The following RNF24 variants were observed in gnomAD, a reference collection of about 807,000 sequenced individuals.
The protein encoded by RNF24 is ring finger protein 24.
In RNF24, 14 loss-of-function variants were observed where a neutral mutation model predicts 20.0. The observed-to-expected ratio is 0.70, with a 90% CI of 0.46 to 1.10. The LOEUF is 1.10. Among genes scored for constraint, RNF24 ranks in the 50% least tolerant of loss-of-function variants. The pLI, the probability that RNF24 is intolerant of heterozygous loss-of-function variation, is 0.00. For synonymous variants in RNF24, 45 were observed against 61.1 expected (o/e 0.74, Z 1.23); for missense variants, 124 against 177.6 (o/e 0.70, Z 1.71).
At chr20:4,013,106 T>C (rs1456494451) in intron 1 of RNF24, among the ~76,000 whole-genome samples, 1 of 152,192 alleles carries the variant, frequency 6.6e-6, no homozygotes, top group Admixed American at 6.5e-5. Flanking sequence ...ATTTAAATCA[T>C]GCATTAAAAC....
intron 1 of RNF24, among the ~76,000 whole-genome samples, chr20:3,969,729 T>G (rs1196952334): frequency 5.3e-5 from 8 of 151,734 alleles, no homozygotes; most frequent in Non-Finnish European, 1.0e-4. Flanking sequence ...CCAGCCATCT[T>G]GCTGGGATAG....
intron 1 of RNF24, among the ~76,000 whole-genome samples, chr20:3,985,699 ATTTT>A (rs76466197): frequency 7.6e-6 from 1 of 131,232 alleles, no homozygotes. Context: ...ATTCCTAGTA[ATTTT>A]TTTTTTTTTT....
chr20:3,956,170 A>C (rs2091140121), intron 2 of RNF24, among the ~76,000 whole-genome samples: 1 of 151,618 alleles, frequency 6.6e-6, no homozygotes, highest in African/African-American at 2.4e-5. Context: ...AATGCTGAAC[A>C]GTAGTGGTAA....
intron 1 of RNF24, among the ~76,000 whole-genome samples, chr20:3,973,500 C>CAAAAAAAAAAAAAAAAAAAAAAAAAA (rs56824542): frequency 4.0e-5 from 4 of 101,106 alleles, no homozygotes; most frequent in Admixed American, 1.2e-4. Context: ...GGAAGAATGA[C>CAAAAAAAAAAAAAAAAAAAAAAAAAA]AAAAAAAAAA....
intron 2 of RNF24, among the ~76,000 whole-genome samples, chr20:3,962,460 C>A (rs1353161604): frequency 6.6e-6 from 1 of 152,016 alleles, no homozygotes; most frequent in African/African-American, 2.4e-5. Flanking sequence ...AATGCTGCAG[C>A]AAGTATTTAC....
chr20:3,929,710 T>C lies in RNF24; in HGVS notation c.*4353A>G. ...CTGGGAGAGGCCTGTGCCACTGCTG[T>C]CAGCTACAGAGCCTGATCTTGAGCA... On this transcript the variant is annotated 3_prime_UTR_variant, in exon 6 of 6. Transcript: ENST00000358395. The C allele has an allele frequency of 6.6e-6, 1 of 152,242 alleles. No individual in the cohort carries two copies. The highest frequency in any genetic ancestry group is 1.9e-4 in the East Asian group (1 of 5,196). 9.4% of individuals were successfully genotyped at this position (152,242 alleles called of 1,614,324 possible).
At chr20:3,937,479 C>T (rs241615) in intron 4 of RNF24, among the ~76,000 whole-genome samples, 50,909 of 151,968 alleles carry the variant, frequency 0.33, 9,601 homozygotes, top group African/African-American at 0.52. Context: ...CTTTAAGTAA[C>T]AGTACAATTC....
Position 3,928,122 on chromosome 20 carries a change from A to G in RNF24, c.*5941T>C, listed in dbSNP as rs376363650. The G allele has an allele frequency of 6.6e-6, 1 of 152,236 alleles. No homozygotes were observed. Among genetic ancestry groups the G allele is most frequent in the East Asian group, 1.9e-4 (1 of 5,196 alleles). The allele number at this position is 152,236 out of a possible 1,614,324, so 9.4% of individuals were successfully genotyped here. ...CCAGTTATCAACTGGATATTTAGGC[A>G]TGAATCTGGACATGTCCATCTGCTT... On this transcript the variant is annotated 3_prime_UTR_variant, in exon 6 of 6. Coordinates refer to ENST00000358395, the MANE Select transcript of RNF24 (RefSeq NM_001134337.3).
chr20:3,977,697 C>G (rs1186532740), intron 1 of RNF24, among the ~76,000 whole-genome samples: 4 of 151,862 alleles, frequency 2.6e-5, no homozygotes, highest in Non-Finnish European at 5.9e-5. Context: ...AACCCCGTGT[C>G]TACTAAAAAT....
At chr20:3,998,244 A>G (rs894990676) in intron 1 of RNF24, among the ~76,000 whole-genome samples, 7 of 151,642 alleles carry the variant, frequency 4.6e-5, no homozygotes, top group African/African-American at 1.7e-4. Flanking sequence ...TTCGAGAGCA[A>G]CCTGACCAAC....
At chr20:3,943,265 T>C (rs373869003) in intron 4 of RNF24, among the ~76,000 whole-genome samples, 7 of 151,330 alleles carry the variant, frequency 4.6e-5, no homozygotes, top group African/African-American at 1.5e-4. Context: ...AACACATTTA[T>C]AGAGTTAATG....
At chr20:3,998,855 G>A (rs1485444778) in intron 1 of RNF24, among the ~76,000 whole-genome samples, 1 of 151,532 alleles carries the variant, frequency 6.6e-6, no homozygotes, top group Non-Finnish European at 1.5e-5. Flanking sequence ...CAAGGCGGGT[G>A]GATCATCTGA....
At chr20:3,938,716 A>G (rs1037632055) in intron 4 of RNF24, among the ~76,000 whole-genome samples, 1 of 152,178 alleles carries the variant, frequency 6.6e-6, no homozygotes, top group African/African-American at 2.4e-5. Flanking sequence ...TTCACTTTCA[A>G]GATAATGTCC....
intron 1 of RNF24, among the ~76,000 whole-genome samples, chr20:3,978,601 A>C (rs1257527737): frequency 6.6e-6 from 1 of 152,214 alleles, no homozygotes; most frequent in Non-Finnish European, 1.5e-5. Context: ...AATGATTCTA[A>C]GATATTTTTA....
intron 1 of RNF24, among the ~76,000 whole-genome samples, chr20:3,990,680 T>A (rs1980353741): frequency 6.6e-6 from 1 of 151,906 alleles, no homozygotes. Context: ...CCAACACAGT[T>A]AAAAAAATAA....
At chr20:3,983,188 T>C (rs1352543872) in intron 1 of RNF24, among the ~76,000 whole-genome samples, 1 of 152,198 alleles carries the variant, frequency 6.6e-6, no homozygotes, top group Non-Finnish European at 1.5e-5. Context: ...TATTCTATTA[T>C]GGCAGCACAA....
At chr20:3,997,092 G>T (rs895448670) in intron 1 of RNF24, among the ~76,000 whole-genome samples, 1 of 151,688 alleles carries the variant, frequency 6.6e-6, no homozygotes, top group Non-Finnish European at 1.5e-5. Flanking sequence ...CAGGCGTGGT[G>T]GTGGGTGCCT....
At chr20:3,939,164 C>T (rs1208251037) in intron 4 of RNF24, among the ~76,000 whole-genome samples, 1 of 151,108 alleles carries the variant, frequency 6.6e-6, no homozygotes, top group East Asian at 2.0e-4. Flanking sequence ...TTTATTTCTC[C>T]TTTTTGTTTT....
chr20:3,931,119 A>G lies in RNF24; in HGVS notation c.*2944T>C, dbSNP rs1224882536. ...GGCAGTTGAATTCAGTTGTACCCCT[A>G]GCAACTACTAATGGTTCAGCCACCC... On this transcript the variant is annotated 3_prime_UTR_variant, in exon 6 of 6. Coordinates refer to ENST00000358395, the MANE Select transcript of RNF24 (RefSeq NM_001134337.3). 6.6e-6 allele frequency: 1 copy of G among 152,248 alleles called. No homozygotes were observed. The highest frequency in any genetic ancestry group is 1.5e-5 in the Non-Finnish European group (1 of 68,076). 9.4% of individuals were successfully genotyped at this position (152,248 alleles called of 1,614,324 possible).
Sources: gnomAD v4.1 joint callset for allele counts (sites outside exome capture counted in the v4.1 genomes callset) on GRCh38, gnomAD v4.1.1 for gene constraint, MANE v1.5 for transcripts, NCBI Gene and HGNC (gene_info 2026-07-23, HGNC 2026-07-21) for gene names.